The following DSCAM variants were observed in gnomAD, a reference collection of about 807,000 sequenced individuals.
The protein encoded by DSCAM is DS cell adhesion molecule.
Under a neutral mutation model 217.7 loss-of-function variants are expected in DSCAM, and 47 were observed. The ratio of observed to expected loss-of-function variants is 0.22; its 90% CI spans 0.17 to 0.28. DSCAM has a LOEUF of 0.28. DSCAM is among the 10% of genes least tolerant of loss of function. DSCAM has a pLI of 1.00. For missense variants in DSCAM, 2,080 were observed against 2,618.3 expected (o/e 0.79, Z 4.49); for synonymous variants, 1,056 against 1,015.3 (o/e 1.04, Z -0.76).
intron 32 of DSCAM, among the ~76,000 whole-genome samples, chr21:40,037,369 A>G (rs1162332140): frequency 4.0e-5 from 6 of 149,128 alleles, no homozygotes; most frequent in Non-Finnish European, 5.9e-5. Context: ...TTATACACCA[A>G]TAACAGACAA....
chr21:40,344,313 C>T (rs996709716), intron 6 of DSCAM, among the ~76,000 whole-genome samples: 1 of 152,144 alleles, frequency 6.6e-6, no homozygotes, highest in African/African-American at 2.4e-5. Context: ...GGTATTTGTT[C>T]TTATAGATAT....
At position 40,296,179 on chromosome 21, in the gene DSCAM, A is replaced by G. The variant is rs767576825; in HGVS notation, c.2063-5T>C. 1.2e-6 allele frequency: 2 copies of G among 1,613,688 alleles called. No individual in the cohort carries two copies. Among genetic ancestry groups the G allele is most frequent in the African/African-American group, 2.7e-5 (2 of 74,908 alleles). ...GAACCACAAACTTGGGAGGAACTGAAAAGAGAGAAATGTCACCAGTAATTA... is the reference window on the plus strand; with the variant it reads ...GAACCACAAACTTGGGAGGAACTGAGAAGAGAGAAATGTCACCAGTAATTA... On this transcript the variant is annotated splice_region_variant and splice_polypyrimidine_tract_variant and intron_variant, in intron 9 of 32. Coordinates refer to ENST00000400454, the MANE Select transcript of DSCAM (RefSeq NM_001389.5).
chr21:40,223,538 TAA>T (rs1256243231), intron 11 of DSCAM, among the ~76,000 whole-genome samples: 3 of 107,922 alleles, frequency 2.8e-5, no homozygotes, highest in African/African-American at 5.1e-5. Context: ...AACGAAAATC[TAA>T]GTTACCTTTT....
At chr21:40,550,592 C>A (rs1429211733) in intron 3 of DSCAM, among the ~76,000 whole-genome samples, 1 of 152,230 alleles carries the variant, frequency 6.6e-6, no homozygotes, top group Non-Finnish European at 1.5e-5. Context: ...TCCCTTAGGA[C>A]AGACCCTTCT....
chr21:40,523,738 T>C (rs371696691), intron 3 of DSCAM, among the ~76,000 whole-genome samples: 27 of 152,248 alleles, frequency 1.8e-4, no homozygotes, highest in African/African-American at 6.0e-4. Context: ...AGGAGTCTAA[T>C]TGATCTGATA....
At chr21:40,474,552 C>T (rs530488148) in intron 3 of DSCAM, among the ~76,000 whole-genome samples, 2 of 152,302 alleles carry the variant, frequency 1.3e-5, no homozygotes, top group East Asian at 3.9e-4. Context: ...GCGGGAGCTG[C>T]CGCCCTCCCC....
intron 11 of DSCAM, among the ~76,000 whole-genome samples, chr21:40,272,707 C>A (rs192368557): frequency 1.4e-3 from 218 of 152,230 alleles, no homozygotes; most frequent in African/African-American, 5.0e-3. Flanking sequence ...AGACTTGCTG[C>A]AGGAGCAGCT....
At chr21:40,756,370 T>A (rs1040988115) in intron 1 of DSCAM, among the ~76,000 whole-genome samples, 9 of 152,186 alleles carry the variant, frequency 5.9e-5, no homozygotes, top group African/African-American at 2.2e-4. Flanking sequence ...CAATTAAACC[T>A]CTTTTCTTTA....
chr21:40,809,352 G>T (rs1054645436), intron 1 of DSCAM, among the ~76,000 whole-genome samples: 1 of 152,196 alleles, frequency 6.6e-6, no homozygotes, highest in South Asian at 2.1e-4. Context: ...GCTGTTGACT[G>T]GGGGTGGGAC....
intron 1 of DSCAM, among the ~76,000 whole-genome samples, chr21:40,795,367 C>T (rs1601275076): frequency 6.8e-6 from 1 of 147,930 alleles, no homozygotes; most frequent in African/African-American, 2.5e-5. Context: ...TTTTTTTTTT[C>T]GAAATCCAAG....
rs576506365 is a variant in DSCAM, at chr21:40,171,455, T to G, written c.2948-4167A>C. 3.9e-5 allele frequency among the ~76,000 whole-genome samples: 6 copies of G among 152,078 alleles called. No homozygotes were observed. The East Asian group carries it at 1.2e-3, about 29-fold the overall frequency. On this transcript the variant is annotated intron_variant, in intron 15 of 32. Coordinates refer to ENST00000400454, the MANE Select transcript of DSCAM (RefSeq NM_001389.5). Reference sequence around the variant, plus strand: ...CTTGTATCCAGGACAGACTTAACTGTTTTTAAGAATGTAACAGCTTTATTA... The same window carrying G: ...CTTGTATCCAGGACAGACTTAACTGGTTTTAAGAATGTAACAGCTTTATTA...
chr21:40,255,196 T>C (rs1336606554), intron 11 of DSCAM, among the ~76,000 whole-genome samples: 1 of 152,172 alleles, frequency 6.6e-6, no homozygotes, highest in East Asian at 1.9e-4. Context: ...CTGCTGTGTA[T>C]GTTACTGTGT....
intron 20 of DSCAM, among the ~76,000 whole-genome samples, chr21:40,120,215 GAATAAC>G (rs1458890859): frequency 2.0e-5 from 3 of 152,182 alleles, no homozygotes; most frequent in African/African-American, 4.8e-5. Context: ...TACAGGAACT[GAATAAC>G]ATTATCATCT....
At chr21:40,526,476 A>T (rs542824640) in intron 3 of DSCAM, among the ~76,000 whole-genome samples, 1 of 152,304 alleles carries the variant, frequency 6.6e-6, no homozygotes, top group Admixed American at 6.5e-5. Context: ...TGCTGCAATG[A>T]GAATATGAAA....
chr21:40,471,991 T>A (rs909917383), intron 3 of DSCAM, among the ~76,000 whole-genome samples: 2 of 152,114 alleles, frequency 1.3e-5, no homozygotes, highest in African/African-American at 4.8e-5. Flanking sequence ...CCCCTTCCTG[T>A]GTGCAAGTGT....
intron 20 of DSCAM, among the ~76,000 whole-genome samples, chr21:40,121,278 T>C (rs932484622): frequency 2.0e-5 from 3 of 152,196 alleles, no homozygotes; most frequent in Admixed American, 6.5e-5. Flanking sequence ...CTTTAAAGTT[T>C]CTTGATCATT....
intron 3 of DSCAM, among the ~76,000 whole-genome samples, chr21:40,579,615 C>G (rs1043295436): frequency 2.6e-4 from 39 of 152,104 alleles, no homozygotes; most frequent in Non-Finnish European, 1.5e-4. Context: ...CAGACTATTA[C>G]AGAGCCAGAG....
intron 3 of DSCAM, among the ~76,000 whole-genome samples, chr21:40,436,691 G>A (rs1475484383): frequency 6.6e-6 from 1 of 152,160 alleles, no homozygotes; most frequent in Non-Finnish European, 1.5e-5. Flanking sequence ...GACTCGCCAA[G>A]TGAAACTAGG....
intron 9 of DSCAM, among the ~76,000 whole-genome samples, chr21:40,301,994 G>C (rs541039159): frequency 1.3e-5 from 2 of 152,168 alleles, no homozygotes; most frequent in Non-Finnish European, 2.9e-5. Flanking sequence ...GACTGTTGCC[G>C]TTTGGGCCAA....
Sources: gnomAD v4.1 joint callset for allele counts (sites outside exome capture counted in the v4.1 genomes callset) on GRCh38, gnomAD v4.1.1 for gene constraint, MANE v1.5 for transcripts, NCBI Gene and HGNC (gene_info 2026-07-23, HGNC 2026-07-21) for gene names.